Variants in DHH observed in about 807,000 individuals in gnomAD.
DHH encodes the protein desert hedgehog protein.
A neutral mutation model predicts 27.6 loss-of-function variants in DHH; 16 were observed. The observed-to-expected ratio is 0.58, with a 90% CI of 0.39 to 0.88. The LOEUF is 0.88. Ranked by LOEUF, DHH falls within the 40% of genes least tolerant of loss-of-function variation. The probability of loss-of-function intolerance (pLI) is 0.00; values close to 1 mark genes in which losing one functional copy is unlikely to be tolerated. For missense variants in DHH, 436 were observed against 563.1 expected, an observed-to-expected ratio of 0.77 and a Z score of 2.28; for synonymous variants, 289 against 263.4, an observed-to-expected ratio of 1.10 and a Z score of -0.94.
rs996063854 is a variant in DHH at position 49,094,600 on chromosome 12, G to A, written c.-88C>T. The A allele has an allele frequency of 1.4e-6, 2 of 1,451,348 alleles. No individual in the cohort carries two copies. The highest frequency in any genetic ancestry group is 2.0e-5 in the Admixed American group (1 of 50,870). The allele number at this position is 1,451,348 out of a possible 1,614,324, so 89.9% of individuals were successfully genotyped here. ...GGCATCTCCACAGGCACCAGAGAGG[G>A]CAGCAGGCACAGCTGCCCCCAGAGT... is the stretch of plus-strand genomic sequence containing the variant. On this transcript the variant is annotated 5_prime_UTR_variant, in exon 1 of 3. Transcript: ENST00000649637.
At position 49,094,563 on chromosome 12, in the gene DHH, T is replaced by A. The variant is rs1217974519; in HGVS notation, c.-51A>T. On this transcript the variant is annotated 5_prime_UTR_variant, in exon 1 of 3. Transcript: ENST00000649637. ...GGAGCGTTCTTGTCCTCACTAACTC[T>A]CCTGTCAGTTAGGCATCTCCACAGG... 6.5e-7 allele frequency: 1 copy of A among 1,535,724 alleles called. No individual in the cohort carries two copies. The highest frequency in any genetic ancestry group is 2.4e-5 in the East Asian group (1 of 40,828).
Position 49,094,729 on chromosome 12 carries a change from C to A in DHH, c.-217G>T. 1.6e-6 allele frequency: 1 copy of A among 631,662 alleles called. No homozygotes were observed. Among genetic ancestry groups the A allele is most frequent in the Non-Finnish European group, 2.8e-6 (1 of 355,616 alleles). 39.1% of individuals were successfully genotyped at this position (631,662 alleles called of 1,614,324 possible). On this transcript the variant is annotated 5_prime_UTR_variant, in exon 1 of 3. The change abolishes an upstream ATG in the 5' untranslated region. Transcript: ENST00000649637. ...CTAGGACCTGCTACTGACAAACCAT[C>A]ATAGCAGGGAAGGGGGGTCGTGGGT... is the stretch of plus-strand genomic sequence containing the variant.
At position 49,094,646 on chromosome 12, in the gene DHH, C is replaced by G. The variant is rs1171067231; in HGVS notation, c.-134G>C. 1.9e-6 allele frequency: 2 copies of G among 1,080,634 alleles called. No individual in the cohort carries two copies. Among genetic ancestry groups the G allele is most frequent in the African/African-American group, 1.6e-5 (1 of 63,636 alleles). The allele number at this position is 1,080,634 out of a possible 1,614,324, so 66.9% of individuals were successfully genotyped here. ...AGAGTGCCCTAGAGCTCTTGTGGCT[C>G]CGTGCACCTGGCTGCTGCTAGCTCT... On this transcript the variant is annotated 5_prime_UTR_variant, in exon 1 of 3. Coordinates refer to ENST00000649637, the MANE Select transcript of DHH (RefSeq NM_021044.4).
chr12:49,091,922 C>T lies in DHH; in HGVS notation c.304-533G>A, dbSNP rs977621074. ...AACCCCTTCGTGCTCTGGGTGCCCC[C>T]CAGAGAGGTGCCCAAGAGGAGCTGT... On this transcript the variant is annotated intron_variant, in intron 1 of 2. Transcript: ENST00000649637. The surrounding 1 kb of genome is among the most constrained non-coding windows in gnomAD (Gnocchi z 4.8). Among the ~76,000 whole-genome samples the T allele has an allele frequency of 6.6e-6, 1 of 152,178 alleles. No individual in the cohort carries two copies. The highest frequency in any genetic ancestry group is 1.5e-5 in the Non-Finnish European group (1 of 68,036).
At position 49,091,484 on chromosome 12, in the gene DHH, C is replaced by T; in HGVS notation, c.304-95G>A. ...TTGATTCTTTGTTATTCCGGCCCTA[C>T]TCTTACCCCTCCCAGCTTTTGAGTG... On this transcript the variant is annotated intron_variant, in intron 1 of 2. Coordinates refer to ENST00000649637, the MANE Select transcript of DHH (RefSeq NM_021044.4). The surrounding 1 kb of genome is among the most constrained non-coding windows in gnomAD (Gnocchi z 4.8). 1 of 1,521,210 alleles carries T rather than the reference C, an allele frequency of 6.6e-7. No individual in the cohort carries two copies. The highest frequency in any genetic ancestry group is 1.2e-5 in the South Asian group (1 of 84,976). 94.2% of individuals were successfully genotyped at this position (1,521,210 alleles called of 1,614,324 possible). A position where few individuals can be genotyped will look rare whatever the true frequency, so the allele number is the denominator to read the frequency against.
Position 49,089,221 on chromosome 12 carries a change from G to C in DHH, c.*638C>G, listed in dbSNP as rs183268973. On this transcript the variant is annotated 3_prime_UTR_variant, in exon 3 of 3. Coordinates refer to ENST00000649637, the MANE Select transcript of DHH (RefSeq NM_021044.4). The stretch of plus-strand genomic sequence containing the variant: ...CGAAATGCTGGTCCTCTCTGGATGG[G>C]AGACGGAAACAGCAGCCTGGAAAAG... Among the ~76,000 whole-genome samples the C allele has an allele frequency of 6.6e-6, 1 of 152,264 alleles. No individual in the cohort carries two copies. The highest frequency in any genetic ancestry group is 1.5e-5 in the Non-Finnish European group (1 of 68,050).
At position 49,091,006 on chromosome 12, in the gene DHH, G is replaced by C; in HGVS notation, c.565+122C>G. 4 of 1,461,032 alleles carry C rather than the reference G, an allele frequency of 2.7e-6. No individual in the cohort carries two copies. Among genetic ancestry groups the C allele is most frequent in the Non-Finnish European group, 3.8e-6 (4 of 1,045,918 alleles). The allele number at this position is 1,461,032 out of a possible 1,614,324, so 90.5% of individuals were successfully genotyped here. On this transcript the variant is annotated intron_variant, in intron 2 of 2. Coordinates refer to ENST00000649637, the MANE Select transcript of DHH (RefSeq NM_021044.4). The surrounding 1 kb of genome is among the most constrained non-coding windows in gnomAD (Gnocchi z 4.8). ...CGTGAGGCACCGCCTCGGCCTGGACGGGTGGTTTTCAACACTAAAGCCCGC... is the reference window on the plus strand; with the variant it reads ...CGTGAGGCACCGCCTCGGCCTGGACCGGTGGTTTTCAACACTAAAGCCCGC...
Position 49,094,463 on chromosome 12 carries a change from G to A in DHH, c.50C>T (p.Ala17Val), listed in dbSNP as rs770229988. 6 of 1,584,196 alleles carry A rather than the reference G, an allele frequency of 3.8e-6. No individual in the cohort carries two copies. The South Asian group carries it at 4.5e-5, about 12-fold the overall frequency. The change falls in exon 1 of 3, where the codon GCG becomes GTG. Residue 17 changes from alanine (A) to valine (V), a missense_variant. Coordinates refer to ENST00000649637, the MANE Select transcript of DHH (RefSeq NM_021044.4). Reference protein sequence around the residue: ...LLPLCCLALLALPAQSCGPGR... With the variant: ...LLPLCCLALLVLPAQSCGPGR... ...CGGCCCGCAGCTCTGGGCTGGCAGC[G>A]CCAGAAGTGCCAAGCAGCACAGGGG...
In DHH at chr12:49,089,881, A is replaced by G; in HGVS notation, c.1169T>C (p.Leu390Ser). Residue 390 changes from leucine (L) to serine (S), a missense_variant, in exon 3 of 3, where the codon TTA becomes TCA. Transcript: ENST00000649637. ...CGCTCAGCCCAGTAGCTCCTCCGCT[A>G]AGCGGTAGAGGAGCCGAGAGTACCA... ...MHWYSRLLYRLAEELLG is the reference protein window; with the variant it reads ...MHWYSRLLYRSAEELLG 1 of 1,576,690 alleles carries G rather than the reference A, an allele frequency of 6.3e-7. No homozygotes were observed. The highest frequency in any genetic ancestry group is 8.6e-7 in the Non-Finnish European group (1 of 1,160,650).
rs971884835 is a variant in DHH, at chr12:49,090,847, A to G, written c.565+281T>C. Among the ~76,000 whole-genome samples, 2 of 152,104 alleles carry G rather than the reference A, an allele frequency of 1.3e-5. No homozygotes were observed. Among genetic ancestry groups the G allele is most frequent in the African/African-American group, 4.8e-5 (2 of 41,430 alleles). On this transcript the variant is annotated intron_variant, in intron 2 of 2. Coordinates refer to ENST00000649637, the MANE Select transcript of DHH (RefSeq NM_021044.4). The surrounding 1 kb of genome is among the most constrained non-coding windows in gnomAD (Gnocchi z 5.2). ...CTCACGAGTAGCCGGGATTACAGGC[A>G]TACACCACCACGCCCAACTAATTTT...
chr12:49,090,492 G>T lies in DHH; in HGVS notation c.566-8C>A, dbSNP rs984237440. The T allele has an allele frequency of 4.4e-6, 7 of 1,598,730 alleles. No homozygotes were observed. Among genetic ancestry groups the T allele is most frequent in the Non-Finnish European group, 5.9e-6 (7 of 1,179,712 alleles). On this transcript the variant is annotated splice_polypyrimidine_tract_variant and splice_region_variant and intron_variant, in intron 2 of 2. Coordinates refer to ENST00000649637, the MANE Select transcript of DHH (RefSeq NM_021044.4). The surrounding 1 kb of genome is among the most constrained non-coding windows in gnomAD (Gnocchi z 5.2). ...GGACCGCCAGTGAGTTATCTGCAGG[G>T]AACAACCACAGGGAGGATTGAATCA...
At chr12:49,093,629 T>C (rs886680673) in intron 1 of DHH, among the ~76,000 whole-genome samples, 1 of 152,172 alleles carries the variant, frequency 6.6e-6, no homozygotes, top group African/African-American at 2.4e-5. Context: ...GACCCTAGGA[T>C]AGCCCTAGAA....
chr12:49,094,068 T>TC lies in DHH; in HGVS notation c.303+141dup, dbSNP rs763261015. ...ACTCTGTCCAGACTGCAAGGATTTTTCCCCCCCCTGGGGCTGGTGACAAGG... is the reference window on the plus strand; with the variant it reads ...ACTCTGTCCAGACTGCAAGGATTTTTCCCCCCCCCTGGGGCTGGTGACAAGG... On this transcript the variant is annotated intron_variant, in intron 1 of 2. Transcript: ENST00000649637. 1,695 of 919,604 alleles carry TC rather than the reference T, an allele frequency of 1.8e-3. 10 individuals are homozygous for TC. The highest frequency in any genetic ancestry group is 5.3e-3 in the South Asian group (342 of 64,980). 57.0% of individuals were successfully genotyped at this position (919,604 alleles called of 1,614,324 possible). A position where few individuals can be genotyped will look rare whatever the true frequency, so the allele number is the denominator to read the frequency against.
In DHH at chr12:49,091,240, C is replaced by T. The variant is rs1592185977; in HGVS notation, c.453G>A (p.Thr151=). The change falls in exon 2 of 3, where the codon ACG becomes ACA. Residue 151 remains threonine, a synonymous_variant. Transcript: ENST00000649637. This position sits in a 1 kb window ranked among gnomAD's most constrained non-coding sequence, Gnocchi z 4.8. ...HYEGRALDIT[T]SDRDRNKYGL... ...CATACTTGTTGCGGTCGCGGTCAGA[C>T]GTAGTGATGTCCAAAGCACGGCCTT... 2 of 1,614,236 alleles carry T rather than the reference C, an allele frequency of 1.2e-6. No homozygotes were observed. The highest frequency in any genetic ancestry group is 2.2e-5 in the East Asian group (1 of 44,884).
rs1939245788 is a variant in DHH, at chr12:49,088,699, G to C, written c.*1160C>G. ...CACCCAGGCTAGGGAAGTAGAGCTG[G>C]TGATAATGGGAGAGGGAGGAGGAGG... is the stretch of plus-strand genomic sequence containing the variant. On this transcript the variant is annotated 3_prime_UTR_variant, in exon 3 of 3. Transcript: ENST00000649637. 6.6e-6 allele frequency among the ~76,000 whole-genome samples: 1 copy of C among 152,170 alleles called. No homozygotes were observed. Among genetic ancestry groups the C allele is most frequent in the African/African-American group, 2.4e-5 (1 of 41,430 alleles).
In DHH at chr12:49,087,194, T is replaced by G. The variant is rs80174210; in HGVS notation, c.*2665A>C. Among the ~76,000 whole-genome samples, 1 of 89,496 alleles carries G rather than the reference T, an allele frequency of 1.1e-5. No homozygotes were observed. Among genetic ancestry groups the G allele is most frequent in the East Asian group, 2.1e-4 (1 of 4,832 alleles). The allele number at this position is 89,496 out of a possible 152,430, so 58.7% of individuals were successfully genotyped here. ...TGCCGCTTGAAGGCAAGTCATGGAT[T>G]TTTTTTTTTTTTGAGAGTTAGGAGG... On this transcript the variant is annotated 3_prime_UTR_variant, in exon 3 of 3. Coordinates refer to ENST00000649637, the MANE Select transcript of DHH (RefSeq NM_021044.4).
Position 49,086,872 on chromosome 12 carries a change from C to T in DHH, c.*2987G>A, listed in dbSNP as rs1000540740. On this transcript the variant is annotated 3_prime_UTR_variant, in exon 3 of 3. Coordinates refer to ENST00000649637, the MANE Select transcript of DHH (RefSeq NM_021044.4). ...CTTCTGAAAGTGCTGTGACAAAACC[C>T]CAGAAAGTTTGCACGACTGATGCTT... Among the ~76,000 whole-genome samples, 11 of 152,142 alleles carry T rather than the reference C, an allele frequency of 7.2e-5. No individual in the cohort carries two copies. The East Asian group carries it at 2.1e-3, about 29-fold the overall frequency.
chr12:49,089,848 GC>G lies in DHH; in HGVS notation c.*10del, dbSNP rs768776313. Reference sequence around the variant, plus strand: ...TCCTCGGGCGCTTCGAGGTTTCTATGCCTGGGACGCTCAGCCCAGTAGCTCC... The same window carrying G: ...TCCTCGGGCGCTTCGAGGTTTCTATGCTGGGACGCTCAGCCCAGTAGCTCC... On this transcript the variant is annotated 3_prime_UTR_variant, in exon 3 of 3. Coordinates refer to ENST00000649637, the MANE Select transcript of DHH (RefSeq NM_021044.4). 6.5e-7 allele frequency: 1 copy of G among 1,532,058 alleles called. No homozygotes were observed. Among genetic ancestry groups the G allele is most frequent in the East Asian group, 2.5e-5 (1 of 39,324 alleles). 94.9% of individuals were successfully genotyped at this position (1,532,058 alleles called of 1,614,324 possible).
chr12:49,092,656 G>T (rs1465079570), intron 1 of DHH, among the ~76,000 whole-genome samples: 1 of 152,196 alleles, frequency 6.6e-6, no homozygotes, highest in Non-Finnish European at 1.5e-5. Flanking sequence ...TTGTCGTTTC[G>T]TCCCCTAAGG....
Sources: gnomAD v4.1 joint callset for allele counts (sites outside exome capture counted in the v4.1 genomes callset) on GRCh38, gnomAD v4.1.1 for gene constraint, Gnocchi (gnomAD v3.1) non-coding constraint, MANE v1.5 for transcripts, NCBI Gene and HGNC (gene_info 2026-07-23, HGNC 2026-07-21) for gene names.